Variants in BCHE observed in about 807,000 individuals in gnomAD.
BCHE encodes cholinesterase.
In BCHE, 48 loss-of-function variants were observed where a neutral mutation model predicts 51.3. That is an observed-to-expected ratio of 0.94 (90% CI 0.74 to 1.19). BCHE has a LOEUF of 1.19. Among genes scored for constraint, BCHE ranks in the 50% most tolerant of loss-of-function variants. The pLI is 0.00. For missense variants in BCHE, 847 were observed against 708.2 expected, an observed-to-expected ratio of 1.20 and a Z score of -2.23; for synonymous variants, 251 against 238.0, an observed-to-expected ratio of 1.05 and a Z score of -0.50.
intron 2 of BCHE, among the ~76,000 whole-genome samples, chr3:165,823,875 G>C (rs982442500): frequency 6.6e-6 from 1 of 150,808 alleles, no homozygotes; most frequent in African/African-American, 2.4e-5. Flanking sequence ...CTCCTGCCTC[G>C]GCCTCCCATG....
At chr3:165,807,845 T>C (rs1331485801) in intron 2 of BCHE, among the ~76,000 whole-genome samples, 1 of 152,122 alleles carries the variant, frequency 6.6e-6, no homozygotes, top group Non-Finnish European at 1.5e-5. Context: ...ATTACAGGCA[T>C]GAGCCACTAC....
rs754736317 is a variant in BCHE, at chr3:165,829,588, A to T, written c.1446T>A (p.Asp482Glu). The change falls in exon 2 of 4, where the codon GAT becomes GAA. Residue 482 changes from aspartate (D) to glutamate (E), a missense_variant. By Grantham distance (45) the Asp-to-Glu change is conservative (BLOSUM62 2). Transcript: ENST00000264381. ...AAATTTCCTCGGCTTTTGTGTAATT[A>T]TCTCTTCTTTCCAGAGGTAAACCAA... ...FVFGLPLERR[D>E]NYTKAEEILS... 4 of 1,613,810 alleles carry T rather than the reference A, an allele frequency of 2.5e-6. No individual in the cohort carries two copies. In the Admixed American group the frequency reaches 5.0e-5, roughly 20 times the overall value.
intron 2 of BCHE, among the ~76,000 whole-genome samples, chr3:165,825,242 G>T (rs1294307562): frequency 6.6e-6 from 1 of 152,068 alleles, no homozygotes; most frequent in Non-Finnish European, 1.5e-5. Flanking sequence ...AAGTAAAGAA[G>T]TGTCTTTTCT....
chr3:165,830,340 C>T lies in BCHE; in HGVS notation c.694G>A (p.Val232Ile). 6.2e-7 allele frequency: 1 copy of T among 1,614,014 alleles called. No homozygotes were observed. The highest frequency in any genetic ancestry group is 8.5e-7 in the Non-Finnish European group (1 of 1,179,942). The stretch of plus-strand genomic sequence containing the variant: ...CCAGGAGAAAGCAAATGCAGGCTAA[C>T]TGAAGCTGCTCCTGCACTTTCTCCA... ...LFGESAGAAS[V>I]SLHLLSPGSH... Residue 232 changes from valine to isoleucine, a missense_variant, in exon 2 of 4, where the codon GTT becomes ATT. Transcript: ENST00000264381.
rs770337031 is a variant in BCHE, at chr3:165,829,967, G to A, written c.1067C>T (p.Ala356Val). 1.2e-6 allele frequency: 2 copies of A among 1,613,684 alleles called. No individual in the cohort carries two copies. The highest frequency in any genetic ancestry group is 2.7e-5 in the African/African-American group (2 of 75,004). Residue 356 changes from alanine (A) to valine (V), a missense_variant, in exon 2 of 4, where the codon GCT (alanine) becomes GTT (valine). By Grantham distance (64) the Ala-to-Val change is moderately conservative. Transcript: ENST00000264381. ...LVGVNKDEGTAFLVYGAPGFS... is the reference protein window; with the variant it reads ...LVGVNKDEGTVFLVYGAPGFS... ...GCCAGGAGCACCATAGACTAAAAAA[G>A]CTGTCCCTTCATCTTTATTAACACC... is the stretch of plus-strand genomic sequence containing the variant.
At chr3:165,789,294 C>CA (rs72587739) in intron 2 of BCHE, among the ~76,000 whole-genome samples, 14,721 of 109,460 alleles carry the variant, frequency 0.13, 766 homozygotes, top group Admixed American at 0.22. Context: ...AACTTAACAA[C>CA]AAAAAAAAGC....
intron 3 of BCHE, among the ~76,000 whole-genome samples, chr3:165,785,765 T>C (rs945685614): frequency 2.6e-5 from 4 of 151,706 alleles, no homozygotes; most frequent in African/African-American, 9.7e-5. Flanking sequence ...AATTTATGCA[T>C]CTTATTTTTT....
chr3:165,829,843 G>A lies in BCHE; in HGVS notation c.1191C>T (p.Ile397=). The change falls in exon 2 of 4, where the codon ATC becomes ATT. Residue 397 remains isoleucine (I), a synonymous_variant. Transcript: ENST00000264381. ...CTACCCAGTCTGTGTAATGAAAAAG[G>A]ATGGATTCCTTTCCAAACTCACTCA... ...PGVSEFGKES[I]LFHYTDWVDD... is the part of the protein sequence containing the mutation. 1 of 1,612,904 alleles carries A rather than the reference G, an allele frequency of 6.2e-7. No homozygotes were observed. The highest frequency in any genetic ancestry group is 1.3e-5 in the African/African-American group (1 of 74,886).
At chr3:165,783,332 G>A (rs1712785310) in intron 3 of BCHE, among the ~76,000 whole-genome samples, 1 of 152,114 alleles carries the variant, frequency 6.6e-6, no homozygotes, top group Non-Finnish European at 1.5e-5. Flanking sequence ...AAGACTTCAT[G>A]TAGTTTAAAG....
intron 2 of BCHE, among the ~76,000 whole-genome samples, chr3:165,813,849 C>A (rs1363011034): frequency 9.9e-5 from 15 of 151,686 alleles, no homozygotes; most frequent in African/African-American, 3.4e-4. Flanking sequence ...TAAAAAACAA[C>A]CAGTTCAGCT....
intron 2 of BCHE, among the ~76,000 whole-genome samples, chr3:165,795,568 C>T (rs1327707588): frequency 3.9e-5 from 6 of 152,092 alleles, no homozygotes; most frequent in Non-Finnish European, 8.8e-5. Flanking sequence ...TTGCTTCCTC[C>T]CATCTCCAGA....
At chr3:165,782,681 G>A (rs547772339) in intron 3 of BCHE, among the ~76,000 whole-genome samples, 384 of 151,998 alleles carry the variant, frequency 2.5e-3, no homozygotes, top group Admixed American at 6.1e-3. Flanking sequence ...ATCATACACT[G>A]GATAGCTTAT....
At chr3:165,829,116 C>G (rs1714846695) in intron 2 of BCHE, among the ~76,000 whole-genome samples, 1 of 152,004 alleles carries the variant, frequency 6.6e-6, no homozygotes, top group Non-Finnish European at 1.5e-5. Context: ...ATCATGGTAC[C>G]AAGCTGAAGA....
At chr3:165,804,050 A>G (rs546723450) in intron 2 of BCHE, among the ~76,000 whole-genome samples, 1 of 100,932 alleles carries the variant, frequency 9.9e-6, no homozygotes, top group African/African-American at 2.6e-5. Context: ...AAGCCTAGAA[A>G]GGTTAGAAAA....
At chr3:165,798,922 T>C (rs1462212214) in intron 2 of BCHE, among the ~76,000 whole-genome samples, 1 of 152,090 alleles carries the variant, frequency 6.6e-6, no homozygotes, top group Non-Finnish European at 1.5e-5. Flanking sequence ...TATAGTTGCA[T>C]ACAGAGATAC....
chr3:165,832,248 C>G (rs4635756), intron 1 of BCHE, among the ~76,000 whole-genome samples: 86,906 of 151,996 alleles, frequency 0.57, 26,402 homozygotes, highest in East Asian at 0.67. Flanking sequence ...TTTGGAAACT[C>G]TGTGACAAAG....
chr3:165,788,555 C>T (rs1335291569), intron 2 of BCHE, among the ~76,000 whole-genome samples: 1 of 152,080 alleles, frequency 6.6e-6, no homozygotes, highest in Non-Finnish European at 1.5e-5. Context: ...ACAAGTACAG[C>T]TGCTGGAGGC....
chr3:165,787,875 T>C (rs1222010098), intron 2 of BCHE, among the ~76,000 whole-genome samples: 1 of 151,972 alleles, frequency 6.6e-6, no homozygotes, highest in African/African-American at 2.4e-5. Flanking sequence ...CTGAAGGTGG[T>C]ATTTAGAATA....
rs373551373 is a variant in BCHE at position 165,773,393 on chromosome 3, C to A, written c.1798G>T (p.Val600Leu). The A allele has an allele frequency of 6.2e-7, 1 of 1,610,698 alleles. No individual in the cohort carries two copies. The highest frequency in any genetic ancestry group is 1.7e-5 in the Admixed American group (1 of 59,886). Residue 600 changes from valine to leucine, a missense_variant, in exon 4 of 4, where the codon GTG (valine) becomes TTG (leucine). Physicochemically the swap from Val to Leu is conservative, Grantham distance 32. Transcript: ENST00000264381. ...GGTAAATCTATTAATTAGAGACCCA[C>A]ACAACTTTCTTTCTTGCTAGTGTAA... The part of the protein sequence containing the change: ...NDYTSKKESC[V>L]GL
Sources: allele counts gnomAD v4.1 joint callset (sites outside exome capture counted in the v4.1 genomes callset), GRCh38; gene constraint gnomAD v4.1.1; transcripts MANE v1.5; gene names NCBI Gene and HGNC (gene_info 2026-07-23, HGNC 2026-07-21).